Variants in GRIN2A observed in about 807,000 individuals in gnomAD.
GRIN2A encodes glutamate receptor ionotropic, NMDA 2A.
A neutral mutation model predicts 113.4 loss-of-function variants in GRIN2A; 22 were observed. The observed-to-expected ratio is 0.19, with a 90% CI of 0.14 to 0.28. GRIN2A has a LOEUF of 0.28. Among genes scored for constraint, GRIN2A ranks in the 10% least tolerant of loss-of-function variants. The probability of loss-of-function intolerance (pLI) is 1.00; values close to 1 mark genes in which losing one functional copy is unlikely to be tolerated. For synonymous variants in GRIN2A, 827 were observed against 738.4 expected (o/e 1.12, Z -1.94); for missense variants, 1,502 against 1,887.0 (o/e 0.80, Z 3.78).
intron 2 of GRIN2A, among the ~76,000 whole-genome samples, chr16:10,135,999 C>G (rs906843062): frequency 6.6e-6 from 1 of 152,206 alleles, no homozygotes; most frequent in Non-Finnish European, 1.5e-5. Context: ...CAGCTTCTCA[C>G]GCATTCCTCT....
At chr16:9,911,976 T>A (rs1020519897) in intron 3 of GRIN2A, among the ~76,000 whole-genome samples, 1 of 152,114 alleles carries the variant, frequency 6.6e-6, no homozygotes, top group African/African-American at 2.4e-5. Context: ...TTCTCAACTG[T>A]AAGATGGGGT....
chr16:9,811,737 T>C (rs924404471), intron 10 of GRIN2A, among the ~76,000 whole-genome samples: 1 of 152,142 alleles, frequency 6.6e-6, no homozygotes, highest in Non-Finnish European at 1.5e-5. Flanking sequence ...CTAGCCCTGG[T>C]GACAGAGTGA....
chr16:10,034,019 A>G (rs546124000), intron 2 of GRIN2A, among the ~76,000 whole-genome samples: 1 of 152,208 alleles, frequency 6.6e-6, no homozygotes, highest in East Asian at 1.9e-4. Flanking sequence ...GGGCCAAACA[A>G]CCAGCAAGGA....
chr16:9,863,691 C>T (rs1464219392), intron 4 of GRIN2A, among the ~76,000 whole-genome samples: 1 of 152,214 alleles, frequency 6.6e-6, no homozygotes, highest in Non-Finnish European at 1.5e-5. Context: ...GATTGGACTT[C>T]TCCCTTGCCT....
At chr16:10,135,738 G>C (rs1401478539) in intron 2 of GRIN2A, among the ~76,000 whole-genome samples, 1 of 152,136 alleles carries the variant, frequency 6.6e-6, no homozygotes, top group African/African-American at 2.4e-5. Context: ...TCTCTCCTCA[G>C]GTGGAATTTA....
intron 8 of GRIN2A, among the ~76,000 whole-genome samples, chr16:9,830,259 T>C (rs1375141308): frequency 6.6e-6 from 1 of 152,216 alleles, no homozygotes; most frequent in East Asian, 1.9e-4. Context: ...ATGGAAGACA[T>C]TTCATTGCAG....
At position 9,882,442 on chromosome 16, in the gene GRIN2A, G is replaced by A. The variant is rs984262116; in HGVS notation, c.1122+8544C>T. ...TCACACAAGACATAACATATGGGGTGCATCCCCTCCCTTAATGAGACAAAT... is the reference window on the plus strand; with the variant it reads ...TCACACAAGACATAACATATGGGGTACATCCCCTCCCTTAATGAGACAAAT... On this transcript the variant is annotated intron_variant, in intron 4 of 12. Coordinates refer to ENST00000330684, the MANE Select transcript of GRIN2A (RefSeq NM_001134407.3). Among the ~76,000 whole-genome samples, 5 of 152,114 alleles carry A rather than the reference G, an allele frequency of 3.3e-5. No individual in the cohort carries two copies. The East Asian group carries it at 9.6e-4, about 29-fold the overall frequency.
chr16:10,043,072 A>T (rs2047194257), intron 2 of GRIN2A, among the ~76,000 whole-genome samples: 1 of 152,244 alleles, frequency 6.6e-6, no homozygotes, highest in African/African-American at 2.4e-5. Flanking sequence ...TTGCAGCTAA[A>T]CATACCCCAA....
intron 11 of GRIN2A, among the ~76,000 whole-genome samples, chr16:9,770,773 A>C (rs983439653): frequency 6.6e-6 from 1 of 152,216 alleles, no homozygotes; most frequent in African/African-American, 2.4e-5. Flanking sequence ...CTTTTTTAAA[A>C]AGTTAATAGA....
chr16:9,996,945 T>C lies in GRIN2A; in HGVS notation c.415-58394A>G, dbSNP rs2046234047. Among the ~76,000 whole-genome samples the C allele has an allele frequency of 2.6e-5, 4 of 152,190 alleles. No homozygotes were observed. The South Asian group carries it at 8.3e-4, about 31-fold the overall frequency. Reference sequence around the variant, plus strand: ...TATCTCTCACATATTAAGTAGCTAATTGCTATGACATTTCAAACAAAAAAA... The same window carrying C: ...TATCTCTCACATATTAAGTAGCTAACTGCTATGACATTTCAAACAAAAAAA... On this transcript the variant is annotated intron_variant, in intron 2 of 12. Transcript: ENST00000330684.
intron 2 of GRIN2A, among the ~76,000 whole-genome samples, chr16:10,110,997 A>T (rs1431736381): frequency 6.6e-6 from 1 of 152,218 alleles, no homozygotes; most frequent in Non-Finnish European, 1.5e-5. Context: ...TTCAGACAAA[A>T]ATCAAGAAAA....
At chr16:9,819,775 T>C (rs2042246043) in intron 10 of GRIN2A, among the ~76,000 whole-genome samples, 1 of 151,744 alleles carries the variant, frequency 6.6e-6, no homozygotes, top group Non-Finnish European at 1.5e-5. Context: ...ATGTGCCTAG[T>C]CAACATGGTG....
At chr16:10,098,154 CAGAT>C (rs1398282218) in intron 2 of GRIN2A, among the ~76,000 whole-genome samples, 1 of 151,956 alleles carries the variant, frequency 6.6e-6, no homozygotes, top group Non-Finnish European at 1.5e-5. Flanking sequence ...AGGGCATGAA[CAGAT>C]AGTTCTCAAA....
intron 2 of GRIN2A, among the ~76,000 whole-genome samples, chr16:10,096,236 C>T (rs762844772): frequency 1.7e-4 from 26 of 152,112 alleles, no homozygotes; most frequent in South Asian, 4.2e-4. Context: ...ACAGCCCCTA[C>T]GGGACTCAGA....
intron 2 of GRIN2A, among the ~76,000 whole-genome samples, chr16:9,969,802 A>T (rs1416069652): frequency 3.9e-5 from 6 of 152,244 alleles, no homozygotes; most frequent in African/African-American, 1.2e-4. Context: ...TACAATGCAC[A>T]GGAAAGCTCC....
intron 11 of GRIN2A, among the ~76,000 whole-genome samples, chr16:9,770,421 GGTTT>G (rs1206844345): frequency 1.3e-5 from 2 of 152,102 alleles, no homozygotes; most frequent in Admixed American, 6.5e-5. Flanking sequence ...TATTGTTTTT[GGTTT>G]GTTCTCACTC....
At position 9,761,167 on chromosome 16, in the gene GRIN2A, T is replaced by C. The variant is rs1407189494; in HGVS notation, c.*1982A>G. On this transcript the variant is annotated 3_prime_UTR_variant, in exon 13 of 13. Transcript: ENST00000330684. ...GAAATTTATTGCAACCACTTTTCATTATAGGAACACTGTAGGTCAGGTGTA... is the reference window on the plus strand; with the variant it reads ...GAAATTTATTGCAACCACTTTTCATCATAGGAACACTGTAGGTCAGGTGTA... The C allele has an allele frequency of 4.3e-6, 1 of 232,234 alleles. No homozygotes were observed. The highest frequency in any genetic ancestry group is 2.2e-5 in the African/African-American group (1 of 45,282). 14.4% of individuals were successfully genotyped at this position (232,234 alleles called of 1,614,324 possible).
intron 4 of GRIN2A, among the ~76,000 whole-genome samples, chr16:9,888,488 A>G (rs967234706): frequency 1.3e-5 from 2 of 150,264 alleles, no homozygotes; most frequent in African/African-American, 4.9e-5. Flanking sequence ...TTTTTTTTCC[A>G]TGTAGATTGC....
chr16:9,765,214 C>T (rs541210370), intron 12 of GRIN2A, among the ~76,000 whole-genome samples: 2 of 152,252 alleles, frequency 1.3e-5, no homozygotes, highest in African/African-American at 2.4e-5. Context: ...AGGTATCAAC[C>T]GATGCTCATA....
Sources: gnomAD v4.1 joint callset for allele counts (sites outside exome capture counted in the v4.1 genomes callset) on GRCh38, gnomAD v4.1.1 for gene constraint, MANE v1.5 for transcripts, NCBI Gene and HGNC (gene_info 2026-07-23, HGNC 2026-07-21) for gene names.